Variants in SLC2A13 observed in about 807,000 individuals in gnomAD.
The protein encoded by SLC2A13 is proton myo-inositol cotransporter.
SLC2A13 carries 32 observed loss-of-function variants against 64.4 expected under a neutral mutation model. That is an observed-to-expected ratio of 0.50 (90% CI 0.37 to 0.67). The LOEUF is 0.67. SLC2A13 is among the 30% of genes least tolerant of loss of function. The pLI is 0.00. For missense variants in SLC2A13, 743 were observed against 829.2 expected, an observed-to-expected ratio of 0.90 and a Z score of 1.28; for synonymous variants, 338 against 327.1, an observed-to-expected ratio of 1.03 and a Z score of -0.36.
chr12:39,988,691 GAGGAAGGAAGGAAGGA>G (rs539712670), intron 3 of SLC2A13, among the ~76,000 whole-genome samples: 63 of 80,050 alleles, frequency 7.9e-4, no homozygotes, highest in Admixed American at 1.4e-3. Flanking sequence ...GGGAGGGAGG[GAGGAAGGAAGGAAGGA>G]AGGAAGGAAG....
intron 1 of SLC2A13, among the ~76,000 whole-genome samples, chr12:40,098,989 T>G (rs1043002892): frequency 2.0e-5 from 3 of 152,180 alleles, no homozygotes; most frequent in Non-Finnish European, 4.4e-5. Flanking sequence ...GCTGTCACGG[T>G]GCTTGGCCCT....
At chr12:40,046,321 C>T (rs895158219) in intron 2 of SLC2A13, among the ~76,000 whole-genome samples, 1 of 152,306 alleles carries the variant, frequency 6.6e-6, no homozygotes, top group South Asian at 2.1e-4. Flanking sequence ...TACACGGGCA[C>T]ACCACATTCA....
At chr12:40,028,013 C>T (rs982249085) in intron 3 of SLC2A13, among the ~76,000 whole-genome samples, 9 of 152,024 alleles carry the variant, frequency 5.9e-5, no homozygotes, top group East Asian at 1.9e-4. Flanking sequence ...GGTACTCATA[C>T]GCTTTATAAA....
At chr12:39,819,336 G>A (rs1942425590) in intron 7 of SLC2A13, among the ~76,000 whole-genome samples, 1 of 152,100 alleles carries the variant, frequency 6.6e-6, no homozygotes, top group Non-Finnish European at 1.5e-5. Flanking sequence ...CTAAGTCACA[G>A]TTATAGGACC....
intron 6 of SLC2A13, among the ~76,000 whole-genome samples, chr12:39,856,304 C>G (rs1943606198): frequency 6.6e-6 from 1 of 152,176 alleles, no homozygotes; most frequent in Non-Finnish European, 1.5e-5. Flanking sequence ...CAATCAAAAT[C>G]ATAGTTTTCC....
chr12:40,097,553 A>C (rs1288004020), intron 1 of SLC2A13, among the ~76,000 whole-genome samples: 2 of 152,222 alleles, frequency 1.3e-5, no homozygotes, highest in Admixed American at 1.3e-4. Flanking sequence ...AAAATAGGTC[A>C]GGGACGTGAA....
chr12:39,911,169 T>A (rs1945421858), intron 4 of SLC2A13, among the ~76,000 whole-genome samples: 1 of 152,104 alleles, frequency 6.6e-6, no homozygotes, highest in Non-Finnish European at 1.5e-5. Flanking sequence ...CACTCTAATA[T>A]GTGTTCCTGC....
intron 1 of SLC2A13, among the ~76,000 whole-genome samples, chr12:40,062,027 C>T (rs1204072048): frequency 1.3e-5 from 2 of 151,950 alleles, no homozygotes; most frequent in African/African-American, 4.8e-5. Context: ...CCTTGACATA[C>T]AACAGAACAG....
At position 39,755,066 on chromosome 12, in the gene SLC2A13, T is replaced by C. The variant is rs544156618; in HGVS notation, c.*4960A>G. 1.8e-4 allele frequency: 28 copies of C among 152,242 alleles called. No individual in the cohort carries two copies. Among genetic ancestry groups the C allele is most frequent in the Non-Finnish European group, 3.7e-4 (25 of 67,928 alleles). The allele number at this position is 152,242 out of a possible 1,614,324, so 9.4% of individuals were successfully genotyped here. A position where few individuals can be genotyped will look rare whatever the true frequency, so the allele number is the denominator to read the frequency against. ...TTAACTTTTATTTGATTATTTTCAT[T>C]TACAGTTCTGGCACTGACACTTTTT... is the stretch of plus-strand genomic sequence containing the variant. On this transcript the variant is annotated 3_prime_UTR_variant, in exon 10 of 10. Coordinates refer to ENST00000280871, the MANE Select transcript of SLC2A13 (RefSeq NM_052885.4).
At chr12:39,995,414 C>A (rs971933067) in intron 3 of SLC2A13, among the ~76,000 whole-genome samples, 2 of 152,174 alleles carry the variant, frequency 1.3e-5, no homozygotes, top group African/African-American at 2.4e-5. Flanking sequence ...CCCCTCCCCG[C>A]TACCCTTCCC....
At chr12:39,930,501 A>G (rs1465233377) in intron 4 of SLC2A13, among the ~76,000 whole-genome samples, 1 of 152,194 alleles carries the variant, frequency 6.6e-6, no homozygotes, top group African/African-American at 2.4e-5. Flanking sequence ...GAAGCATTTC[A>G]TCTTCCATAA....
At position 39,978,982 on chromosome 12, in the gene SLC2A13, G is replaced by A. The variant is rs546336486; in HGVS notation, c.926-27617C>T. Among the ~76,000 whole-genome samples the A allele has an allele frequency of 4.2e-4, 63 of 148,798 alleles. No homozygotes were observed. In the East Asian group the frequency reaches 8.8e-3, roughly 21 times the overall value. On this transcript the variant is annotated intron_variant, in intron 3 of 9. Transcript: ENST00000280871. ...AGCACGCAGCTGGAGATCTGAGAAC[G>A]GGCAGACTGCCTCCTCAAGTGGGTC...
Position 39,898,314 on chromosome 12 carries a change from G to A in SLC2A13, c.1035-26353C>T, listed in dbSNP as rs139532028. Among the ~76,000 whole-genome samples, 244 of 152,198 alleles carry A rather than the reference G, an allele frequency of 1.6e-3. 1 individual carries two copies. The highest frequency in any genetic ancestry group is 5.6e-3 in the African/African-American group (232 of 41,538). ...TAAGACAAGCCTTATACACCCACAT[G>A]CCCAAAACATTAGGGTGAAGCATGG... On this transcript the variant is annotated intron_variant, in intron 4 of 9. Transcript: ENST00000280871.
chr12:39,764,060 C>T (rs892403961), intron 9 of SLC2A13, among the ~76,000 whole-genome samples: 3 of 152,106 alleles, frequency 2.0e-5, no homozygotes, highest in African/African-American at 4.8e-5. Context: ...TTGGACTGGA[C>T]GCTATGCCTG....
chr12:39,822,370 T>C (rs992725026), intron 7 of SLC2A13, among the ~76,000 whole-genome samples: 17 of 152,116 alleles, frequency 1.1e-4, no homozygotes, highest in Non-Finnish European at 1.8e-4. Context: ...GGCAATATGA[T>C]TCCCACGCCT....
chr12:39,909,889 C>T (rs1215065864), intron 4 of SLC2A13, among the ~76,000 whole-genome samples: 1 of 147,892 alleles, frequency 6.8e-6, no homozygotes, highest in East Asian at 2.0e-4. Context: ...GAGTAAATAA[C>T]ATAGAGTGTG....
intron 4 of SLC2A13, among the ~76,000 whole-genome samples, chr12:39,929,907 G>C (rs1468450739): frequency 2.0e-5 from 3 of 152,122 alleles, no homozygotes; most frequent in Non-Finnish European, 4.4e-5. Flanking sequence ...GAGGAGGACG[G>C]ATCACCTGAG....
At chr12:40,012,469 C>T (rs1947547225) in intron 3 of SLC2A13, among the ~76,000 whole-genome samples, 1 of 152,044 alleles carries the variant, frequency 6.6e-6, no homozygotes, top group Admixed American at 6.6e-5. Flanking sequence ...GAAGTGTTTC[C>T]AGAAAGATCA....
In SLC2A13 at chr12:40,028,378, C is replaced by A. The variant is rs140268463; in HGVS notation, c.848G>T (p.Arg283Leu). ...QKARRILSQM[R>L]GNQTIDEEYD... ...TTCCTCATCAATGGTCTGGTTACCA[C>A]GCATCTGAGATAAAATTCTACGGGC... The change falls in exon 3 of 10, where the codon CGT becomes CTT. Residue 283 changes from arginine to leucine, a missense_variant. Transcript: ENST00000280871. 6.2e-7 allele frequency: 1 copy of A among 1,613,996 alleles called. No individual in the cohort carries two copies. Among genetic ancestry groups the A allele is most frequent in the Non-Finnish European group, 8.5e-7 (1 of 1,179,974 alleles).
Sources: gnomAD v4.1 joint callset for allele counts (sites outside exome capture counted in the v4.1 genomes callset) on GRCh38, gnomAD v4.1.1 for gene constraint, MANE v1.5 for transcripts, NCBI Gene and HGNC (gene_info 2026-07-23, HGNC 2026-07-21) for gene names.